MPP1: variants seen among roughly 807,000 people sequenced by gnomAD.
The protein encoded by MPP1 is 55 kDa erythrocyte membrane protein.
MPP1 carries 6 observed loss-of-function variants against 38.2 expected under a neutral mutation model. The ratio of observed to expected loss-of-function variants is 0.16; its 90% CI spans 0.09 to 0.31. MPP1 has a LOEUF of 0.31. Ranked by LOEUF, MPP1 falls within the 10% of genes least tolerant of loss-of-function variation. MPP1 has a pLI of 1.00. For missense variants in MPP1, 293 were observed against 368.9 expected (o/e 0.79, Z 1.69); for synonymous variants, 153 against 146.3 (o/e 1.05, Z -0.33).
At position 154,781,221 on chromosome X, in the gene MPP1, C is replaced by T. The variant is rs200437105; in HGVS notation, c.1224+18G>A. On this transcript the variant is annotated intron_variant, in intron 11 of 11. Coordinates refer to ENST00000369534, the MANE Select transcript of MPP1 (RefSeq NM_002436.4). ...CCCGGAGAAAGTGAACTACCCATCG[C>T]GCACAACCTCTCCTCACCTGAGTGC... The T allele has an allele frequency of 5.9e-4, 699 of 1,189,739 alleles. No individual in the cohort carries two copies. The highest frequency in any genetic ancestry group is 7.2e-4 in the Non-Finnish European group (632 of 881,041).
intron 1 of MPP1, among the ~76,000 whole-genome samples, chrX:154,801,772 AAAAAAAAAAAAAAAC>A (rs1206618644): frequency 0.015 from 1,349 of 89,114 alleles, 71 homozygotes; most frequent in African/African-American, 0.051. Context: ...AAAAAAAAAA[AAAAAAAAAAAAAAAC>A]AAAAAACAGA....
Position 154,786,358 on chromosome X carries a change from T to G in MPP1, c.523A>C (p.Asn175His). 2 of 1,211,474 alleles carry G rather than the reference T, an allele frequency of 1.7e-6. No homozygotes were observed. Among genetic ancestry groups the G allele is most frequent in the Non-Finnish European group, 2.2e-6 (2 of 895,407 alleles). Residue 175 changes from asparagine to histidine, a missense_variant, in exon 6 of 12, where the codon AAT becomes CAT. Physicochemically the swap from Asn to His is moderately conservative, Grantham distance 68 (BLOSUM62 1). Transcript: ENST00000369534. Reference protein sequence around the residue: ...AQFDYDPKKDNLIPCKEAGLK... With the variant: ...AQFDYDPKKDHLIPCKEAGLK... ...CCCGCCTCCTTGCAAGGGATCAGAT[T>G]GTCCTTTTTGGGATCATAGTCAAAC...
intron 3 of MPP1, chrX:154,791,559 T>C (rs926712750): frequency 1.0e-5 from 4 of 382,504 alleles, no homozygotes; most frequent in African/African-American, 7.5e-5. Context: ...AAGGCTCAGA[T>C]AGGGAGATGG....
chrX:154,779,617 T>C (rs1368185847), intron 11 of MPP1, among the ~76,000 whole-genome samples: 1 of 112,710 alleles, frequency 8.9e-6, no homozygotes, highest in Non-Finnish European at 1.9e-5. Context: ...AGAGACAGCA[T>C]GGACTTCACC....
chrX:154,782,944 G>C (rs1262656067), intron 9 of MPP1: 1 of 112,236 alleles, frequency 8.9e-6, no homozygotes, highest in Non-Finnish European at 1.9e-5. Flanking sequence ...TTCTCCACCT[G>C]ATCACTGGCG....
intron 1 of MPP1, among the ~76,000 whole-genome samples, chrX:154,798,743 T>C (rs2072227192): frequency 9.0e-6 from 1 of 111,356 alleles, no homozygotes; most frequent in Non-Finnish European, 1.9e-5. Flanking sequence ...TTATTTATTT[T>C]ATTTTTTTGA....
chrX:154,783,199 A>G (rs1557266808), intron 9 of MPP1: 1 of 197,365 alleles, frequency 5.1e-6, no homozygotes, highest in African/African-American at 3.0e-5. Context: ...AATGTTTACT[A>G]TAGCTTCTGT....
intron 5 of MPP1, among the ~76,000 whole-genome samples, chrX:154,787,209 A>G (rs1557267309): frequency 1.8e-5 from 2 of 110,597 alleles, no homozygotes; most frequent in African/African-American, 6.6e-5. Flanking sequence ...GGCTAATCTC[A>G]TACGAAAACA....
rs1381537015 is a variant in MPP1, at chrX:154,795,241, CAT to C, written c.103-2958_103-2957del. 2.7e-5 allele frequency among the ~76,000 whole-genome samples: 3 copies of C among 112,079 alleles called. No homozygotes were observed. The Admixed American group carries it at 2.8e-4, about 11-fold the overall frequency. ...AGCAACTAGAACTTCAAAAAACTCA[CAT>C]GACACCAAGTCATATGGCATTGCTG... On this transcript the variant is annotated intron_variant, in intron 1 of 11. Transcript: ENST00000369534.
At chrX:154,791,576 T>G in intron 3 of MPP1, 193 bp downstream of exon 3, 1 of 392,819 alleles carries the variant, frequency 2.5e-6, no homozygotes, top group East Asian at 3.8e-5. Context: ...ATGGTGGCAC[T>G]GGGCAATTCA....
At chrX:154,779,396 C>G (rs1557266360) in intron 11 of MPP1, 43 bp from the exon 12 acceptor site, 1 of 1,155,075 alleles carries the variant, frequency 8.7e-7, no homozygotes, top group East Asian at 3.0e-5. Context: ...TGCACCACCC[C>G]CAGCCCAGAG....
chrX:154,783,327 T>C, intron 9 of MPP1, 100 bp downstream of exon 9: 1 of 448,782 alleles, frequency 2.2e-6, no homozygotes, highest in Non-Finnish European at 3.3e-6. Flanking sequence ...TCATTTAAAA[T>C]AAAATAATTT....
At chrX:154,789,903 A>G (rs1557267553) in intron 5 of MPP1, 51 bp downstream of exon 5, 12 of 901,668 alleles carry the variant, frequency 1.3e-5, no homozygotes, top group Non-Finnish European at 1.9e-5. Context: ...ATATAAGACA[A>G]CATGGCCCGA....
intron 4 of MPP1, 74 bp from the exon 5 acceptor site, chrX:154,790,096 G>C (rs782579468): frequency 1.5e-6 from 1 of 687,158 alleles, no homozygotes; most frequent in Non-Finnish European, 2.2e-6. Flanking sequence ...CAAAGTCCCA[G>C]GTTTTTTTCC....
In MPP1 at chrX:154,805,436, G is replaced by T; in HGVS notation, c.-63C>A. 1.9e-6 allele frequency: 2 copies of T among 1,042,714 alleles called. No homozygotes were observed. The highest frequency in any genetic ancestry group is 2.6e-6 in the Non-Finnish European group (2 of 764,788). 85.9% of individuals were successfully genotyped at this position (1,042,714 alleles called of 1,213,427 possible). ...AGCGCTGGGAATGACAGGGCCCGGGGCCTGCGGGGCTGCGGAGAAGGCGGG... is the reference window on the plus strand; with the variant it reads ...AGCGCTGGGAATGACAGGGCCCGGGTCCTGCGGGGCTGCGGAGAAGGCGGG... On this transcript the variant is annotated 5_prime_UTR_variant, in exon 1 of 12. Coordinates refer to ENST00000369534, the MANE Select transcript of MPP1 (RefSeq NM_002436.4).
At chrX:154,786,717 G>A (rs1394228000) in intron 5 of MPP1, among the ~76,000 whole-genome samples, 5 of 109,100 alleles carry the variant, frequency 4.6e-5, no homozygotes, top group Non-Finnish European at 9.5e-5. Flanking sequence ...CTAACATGGT[G>A]AAACTCCGTC....
At chrX:154,784,739 G>A (rs1166068381) in intron 7 of MPP1, 4 of 351,603 alleles carry the variant, frequency 1.1e-5, no homozygotes, top group Admixed American at 3.8e-5. Context: ...CCTATGACCT[G>A]GCCCTGGCCT....
Position 154,789,936 on chromosome X carries a change from G to A in MPP1, c.480+18C>T. ...CGACTCCTGCCATCATGACAACAGA[G>A]AAAATGGTGCCACCCACCTGTAGTG... On this transcript the variant is annotated intron_variant, in intron 5 of 11. Transcript: ENST00000369534. 8.6e-7 allele frequency: 1 copy of A among 1,164,226 alleles called. No homozygotes were observed.
chrX:154,798,859 C>T (rs1473947304), intron 1 of MPP1, among the ~76,000 whole-genome samples: 2 of 111,393 alleles, frequency 1.8e-5, no homozygotes, highest in Non-Finnish European at 3.8e-5. Context: ...CTCAGCCTCC[C>T]GAGTAGCTGA....
Sources: allele counts gnomAD v4.1 joint callset (sites outside exome capture counted in the v4.1 genomes callset), GRCh38; gene constraint gnomAD v4.1.1; transcripts MANE v1.5; gene names NCBI Gene and HGNC (gene_info 2026-07-23, HGNC 2026-07-21).